Variants in INSR observed in about 807,000 individuals in gnomAD.
INSR encodes the protein insulin receptor, also known as IR.
Under a neutral mutation model 142.6 loss-of-function variants are expected in INSR, and 67 were observed. The ratio of observed to expected loss-of-function variants is 0.47; its 90% CI spans 0.39 to 0.58. The LOEUF is 0.58. Among genes scored for constraint, INSR ranks in the 20% least tolerant of loss-of-function variants. The pLI is 0.00. For synonymous variants in INSR, 756 were observed against 743.1 expected (o/e 1.02, Z -0.28); for missense variants, 1,248 against 1,833.2 (o/e 0.68, Z 5.83).
rs11085213 is a variant in INSR, at chr19:7,174,274, G to A, written c.1123+309C>T. Among the ~76,000 whole-genome samples, 24,387 of 150,922 alleles carry A rather than the reference G, an allele frequency of 0.16. 2,437 individuals carry two copies. The highest frequency in any genetic ancestry group is 0.24 in the South Asian group (1,163 of 4,774). ...CCCACTGTACTCCAGCCTGGGCAAT[G>A]GAGCAAGACCCCATCTCTAAAAATA... On this transcript the variant is annotated intron_variant, in intron 4 of 21. Transcript: ENST00000302850.
rs555179618 is a variant in INSR at position 7,185,714 on chromosome 19, A to G, written c.653-1077T>C. Reference sequence around the variant, plus strand: ...AAAAATTAGCTAGGTGTGCTGGTGCATGCCTGTAATCCCAGCTGCTCAGGA... The same window carrying G: ...AAAAATTAGCTAGGTGTGCTGGTGCGTGCCTGTAATCCCAGCTGCTCAGGA... On this transcript the variant is annotated intron_variant, in intron 2 of 21. Transcript: ENST00000302850. Among the ~76,000 whole-genome samples the G allele has an allele frequency of 1.6e-3, 243 of 151,068 alleles. 3 individuals carry two copies. Among genetic ancestry groups the G allele is most frequent in the African/African-American group, 5.7e-3 (233 of 40,910 alleles).
intron 1 of INSR, among the ~76,000 whole-genome samples, chr19:7,271,924 C>A (rs950866894): frequency 6.6e-6 from 1 of 151,772 alleles, no homozygotes; most frequent in East Asian, 2.0e-4. Context: ...GCAGGAGGAT[C>A]GCTTGAGCCT....
chr19:7,279,558 G>A (rs761028400), intron 1 of INSR, among the ~76,000 whole-genome samples: 2 of 151,190 alleles, frequency 1.3e-5, no homozygotes, highest in Non-Finnish European at 2.9e-5. Context: ...GAGTCTGTGA[G>A]GGCTTTGGGA....
chr19:7,293,656 G>A (rs1968556920), intron 1 of INSR, 136 bp downstream of exon 1: 2 of 682,338 alleles, frequency 2.9e-6, no homozygotes, highest in East Asian at 8.8e-5. Flanking sequence ...ACGCGATGCA[G>A]GAGCTACCGT....
At chr19:7,212,245 C>T (rs8104314) in intron 2 of INSR, among the ~76,000 whole-genome samples, 23 of 152,166 alleles carry the variant, frequency 1.5e-4, no homozygotes, top group Non-Finnish European at 2.4e-4. Flanking sequence ...TCATCAAAGC[C>T]GATGGGGCTG....
chr19:7,261,780 CT>C (rs1977074131), intron 2 of INSR, among the ~76,000 whole-genome samples: 1 of 152,176 alleles, frequency 6.6e-6, no homozygotes, highest in Admixed American at 6.5e-5. Context: ...ATCCACCTAC[CT>C]CGGCCTCCCA....
At chr19:7,124,208 G>T (rs566464445) in intron 17 of INSR, among the ~76,000 whole-genome samples, 1 of 150,718 alleles carries the variant, frequency 6.6e-6, no homozygotes, top group South Asian at 2.1e-4. Flanking sequence ...ATAAAAAAAA[G>T]TATAAAAAGC....
At position 7,117,092 on chromosome 19, in the gene INSR, C is replaced by T. The variant is rs1048479329; in HGVS notation, c.4113G>A (p.Gly1371=). The change falls in exon 22 of 22, where the codon GGG becomes GGA. Residue 1371 remains glycine (G), a synonymous_variant. Transcript: ENST00000302850. The part of the protein sequence containing the change: ...YTHMNGGKKN[G]RILTLPRSNP... The stretch of plus-strand genomic sequence containing the variant: ...TGGACCGAGGCAAGGTCAGAATCCG[C>T]CCGTTTTTCTTGCCTCCGTTCATGT... 1.9e-5 allele frequency: 30 copies of T among 1,614,144 alleles called. No homozygotes were observed. Among genetic ancestry groups the T allele is most frequent in the Non-Finnish European group, 2.4e-5 (28 of 1,180,026 alleles).
In INSR at chr19:7,248,741, C is replaced by T. The variant is rs1288627019; in HGVS notation, c.652+18604G>A. On this transcript the variant is annotated intron_variant, in intron 2 of 21. Coordinates refer to ENST00000302850, the MANE Select transcript of INSR (RefSeq NM_000208.4). The stretch of plus-strand genomic sequence containing the variant: ...AAGAATGGATTATCCTGGACTATTC[C>T]CGGTTGGCCAGAATTTTTTTTTTTT... Among the ~76,000 whole-genome samples, 4 of 141,778 alleles carry T rather than the reference C, an allele frequency of 2.8e-5. No individual in the cohort carries two copies. The Admixed American group carries it at 3.0e-4, about 11-fold the overall frequency. 93.0% of individuals were successfully genotyped at this position (141,778 alleles called of 152,430 possible).
intron 15 of INSR, among the ~76,000 whole-genome samples, chr19:7,127,082 T>G (rs6510947): frequency 0.91 from 138,161 of 152,120 alleles, 62,781 homozygotes; most frequent in East Asian, 1. Flanking sequence ...AAATTTCATA[T>G]AGACAGGGTC....
At chr19:7,266,214 G>A (rs1967718386) in intron 2 of INSR, among the ~76,000 whole-genome samples, 1 of 152,078 alleles carries the variant, frequency 6.6e-6, no homozygotes, top group South Asian at 2.1e-4. Context: ...TCCAAAGCTA[G>A]GAGGAGTGGC....
At chr19:7,189,364 T>C (rs2860183) in intron 2 of INSR, among the ~76,000 whole-genome samples, 83,189 of 152,142 alleles carry the variant, frequency 0.55, 24,188 homozygotes, top group Non-Finnish European at 0.63. Context: ...TGCGAGACTT[T>C]GCAATCCTGT....
chr19:7,211,078 G>C (rs1428558173), intron 2 of INSR, among the ~76,000 whole-genome samples: 3 of 152,040 alleles, frequency 2.0e-5, no homozygotes, highest in African/African-American at 7.2e-5. Flanking sequence ...TAGTTGGCTG[G>C]TTTGTTTGAA....
chr19:7,270,922 C>T (rs914996162), intron 1 of INSR, among the ~76,000 whole-genome samples: 2 of 151,706 alleles, frequency 1.3e-5, no homozygotes, highest in African/African-American at 4.8e-5. Flanking sequence ...ATTAGCCAGG[C>T]GTGGTGGCGG....
chr19:7,249,850 G>A (rs1976655402), intron 2 of INSR, among the ~76,000 whole-genome samples: 1 of 152,040 alleles, frequency 6.6e-6, no homozygotes, highest in Non-Finnish European at 1.5e-5. Context: ...AAATTAGCCG[G>A]GCGTGGTGGC....
rs571508012 is a variant in INSR at position 7,135,512 on chromosome 19, G to GA, written c.2683-3196dup. Among the ~76,000 whole-genome samples, 1,083 of 125,602 alleles carry GA rather than the reference G, an allele frequency of 8.6e-3. 6 individuals carry two copies. The highest frequency in any genetic ancestry group is 0.046 in the East Asian group (206 of 4,452). The allele number at this position is 125,602 out of a possible 152,430, so 82.4% of individuals were successfully genotyped here. A position where few individuals can be genotyped will look rare whatever the true frequency, so the allele number is the denominator to read the frequency against. Reference sequence around the variant, plus strand: ...TGGGCAACAAAGCAAGACTCTGTTTGAAAAAAAAAAAAAAATTATCTGGGC... The same window carrying GA: ...TGGGCAACAAAGCAAGACTCTGTTTGAAAAAAAAAAAAAAAATTATCTGGGC... On this transcript the variant is annotated intron_variant, in intron 13 of 21. Transcript: ENST00000302850.
At chr19:7,200,823 G>A (rs1439122476) in intron 2 of INSR, among the ~76,000 whole-genome samples, 1 of 140,980 alleles carries the variant, frequency 7.1e-6, no homozygotes, top group East Asian at 2.1e-4. Flanking sequence ...TCACGCCACT[G>A]CACTCCAGCC....
At chr19:7,124,541 GAAAAAAAAAA>G (rs531613079) in intron 17 of INSR, among the ~76,000 whole-genome samples, 1 of 9,924 alleles carries the variant, frequency 1.0e-4, no homozygotes, top group Non-Finnish European at 1.6e-4. Context: ...TCCGTTTCAG[GAAAAAAAAAA>G]AAAAAAAAAA....
chr19:7,166,548 G>A lies in INSR; in HGVS notation c.1611-144C>T. On this transcript the variant is annotated intron_variant, in intron 7 of 21. Transcript: ENST00000302850. This position sits in a 1 kb window ranked among gnomAD's most constrained non-coding sequence, Gnocchi z 4.1. The stretch of plus-strand genomic sequence containing the variant: ...TAATGCCACAAGAAAAAATAACTCG[G>A]GAACAGCCAAAGAGAAAGGAACTGT... 2.2e-6 allele frequency: 2 copies of A among 907,074 alleles called. No homozygotes were observed. Among genetic ancestry groups the A allele is most frequent in the South Asian group, 1.4e-5 (1 of 69,406 alleles). 56.2% of individuals were successfully genotyped at this position (907,074 alleles called of 1,614,324 possible).
Sources: gnomAD v4.1 joint callset for allele counts (sites outside exome capture counted in the v4.1 genomes callset) on GRCh38, gnomAD v4.1.1 for gene constraint, Gnocchi (gnomAD v3.1) non-coding constraint, MANE v1.5 for transcripts, NCBI Gene and HGNC (gene_info 2026-07-23, HGNC 2026-07-21) for gene names.